Variants in PDZRN4 observed in about 807,000 individuals in gnomAD.
The protein encoded by PDZRN4 is PDZ domain-containing RING finger protein 4.
In PDZRN4, 70 loss-of-function variants were observed where a neutral mutation model predicts 99.0. That is an observed-to-expected ratio of 0.71 (90% CI 0.58 to 0.86). The LOEUF (loss-of-function observed/expected upper bound fraction) is 0.86, where lower values mean the gene tolerates loss of function less well. Ranked by LOEUF, PDZRN4 falls within the 40% of genes least tolerant of loss-of-function variation. The probability of loss-of-function intolerance (pLI) is 0.00; values close to 1 mark genes in which losing one functional copy is unlikely to be tolerated. For missense variants in PDZRN4, 1,474 were observed against 1,331.2 expected, an observed-to-expected ratio of 1.11 and a Z score of -1.67; for synonymous variants, 551 against 501.6, an observed-to-expected ratio of 1.10 and a Z score of -1.32.
At chr12:41,199,222 G>GT (rs2120658826) in intron 3 of PDZRN4, among the ~76,000 whole-genome samples, 1 of 152,258 alleles carries the variant, frequency 6.6e-6, no homozygotes, top group East Asian at 1.9e-4. Context: ...CTGCTGGGCA[G>GT]TTAGTTTTTT....
intron 5 of PDZRN4, among the ~76,000 whole-genome samples, chr12:41,519,483 C>T (rs1428848347): frequency 6.6e-6 from 1 of 152,054 alleles, no homozygotes; most frequent in East Asian, 1.9e-4. Context: ...CAGGCCCTAT[C>T]CCCAATTCCT....
At chr12:41,515,792 G>A (rs940331828) in intron 5 of PDZRN4, among the ~76,000 whole-genome samples, 1 of 151,918 alleles carries the variant, frequency 6.6e-6, no homozygotes, top group Non-Finnish European at 1.5e-5. Flanking sequence ...AGTCTTTGCA[G>A]GCTGTCCTAT....
At chr12:41,515,543 A>C (rs886105574) in intron 5 of PDZRN4, among the ~76,000 whole-genome samples, 32 of 152,044 alleles carry the variant, frequency 2.1e-4, no homozygotes, top group African/African-American at 7.0e-4. Context: ...TAAAGATAAG[A>C]TGGTATTCTG....
intron 3 of PDZRN4, among the ~76,000 whole-genome samples, chr12:41,228,801 T>C (rs368446124): frequency 6.6e-6 from 1 of 152,230 alleles, no homozygotes; most frequent in Middle Eastern, 3.4e-3. Context: ...TTCTATGAAA[T>C]TCAATAGTAT....
chr12:41,453,754 G>C (rs113051368), intron 3 of PDZRN4, among the ~76,000 whole-genome samples: 1,764 of 151,972 alleles, frequency 0.012, 29 homozygotes, highest in African/African-American at 0.041. Context: ...TGTGCCCTTC[G>C]ATTGATTATT....
chr12:41,496,355 G>A (rs1430085437), intron 3 of PDZRN4, among the ~76,000 whole-genome samples: 3 of 152,126 alleles, frequency 2.0e-5, no homozygotes, highest in Non-Finnish European at 4.4e-5. Context: ...ATAGCACTGT[G>A]CCGGCTCCCC....
chr12:41,492,927 T>C (rs1049278267), intron 3 of PDZRN4, among the ~76,000 whole-genome samples: 1 of 152,190 alleles, frequency 6.6e-6, no homozygotes, highest in Non-Finnish European at 1.5e-5. Context: ...TCTGTGCATA[T>C]GACATTCTGG....
At chr12:41,362,432 A>G (rs1406285007) in intron 3 of PDZRN4, among the ~76,000 whole-genome samples, 1 of 87,706 alleles carries the variant, frequency 1.1e-5, no homozygotes, top group Non-Finnish European at 2.7e-5. Flanking sequence ...ACCTTATATC[A>G]AATGGAATAA....
intron 3 of PDZRN4, among the ~76,000 whole-genome samples, chr12:41,342,654 G>A (rs563232160): frequency 1.3e-5 from 2 of 151,894 alleles, no homozygotes; most frequent in East Asian, 3.9e-4. Context: ...AAACCACAAT[G>A]AGATATCACC....
At chr12:41,231,156 A>AT (rs998123576) in intron 3 of PDZRN4, among the ~76,000 whole-genome samples, 2 of 152,108 alleles carry the variant, frequency 1.3e-5, no homozygotes, top group African/African-American at 4.8e-5. Context: ...AAAAACACTC[A>AT]TTAGGGCTAA....
chr12:41,276,728 T>C (rs896432183), intron 3 of PDZRN4, among the ~76,000 whole-genome samples: 1 of 152,170 alleles, frequency 6.6e-6, no homozygotes, highest in East Asian at 1.9e-4. Context: ...TAGAAGGTAG[T>C]CATACTATTC....
At chr12:41,514,849 T>G (rs932610842) in intron 5 of PDZRN4, among the ~76,000 whole-genome samples, 1 of 152,038 alleles carries the variant, frequency 6.6e-6, no homozygotes, top group Non-Finnish European at 1.5e-5. Context: ...CTCAAACACT[T>G]GTAAGGAAAG....
intron 3 of PDZRN4, among the ~76,000 whole-genome samples, chr12:41,310,325 C>A (rs1213403708): frequency 1.3e-5 from 2 of 151,888 alleles, no homozygotes; most frequent in African/African-American, 4.8e-5. Flanking sequence ...TTATCAATGT[C>A]CATTGGGGAT....
chr12:41,204,592 G>A (rs1235886073), intron 3 of PDZRN4, among the ~76,000 whole-genome samples: 2 of 151,952 alleles, frequency 1.3e-5, no homozygotes, highest in East Asian at 1.9e-4. Context: ...AAGGCAGCAG[G>A]AGGGAGAATA....
chr12:41,435,436 G>C (rs2733282), intron 3 of PDZRN4, among the ~76,000 whole-genome samples: 77,390 of 151,998 alleles, frequency 0.51, 20,185 homozygotes, highest in African/African-American at 0.64. Flanking sequence ...TTCATTGATA[G>C]AAGGGTGAGC....
intron 3 of PDZRN4, among the ~76,000 whole-genome samples, chr12:41,283,375 C>T (rs114345050): frequency 0.011 from 1,637 of 152,122 alleles, 31 homozygotes; most frequent in African/African-American, 0.037. Context: ...AATTAATACC[C>T]TACTAGCCAA....
chr12:41,440,266 C>T (rs74808220), intron 3 of PDZRN4, among the ~76,000 whole-genome samples: 5,163 of 152,004 alleles, frequency 0.034, 118 homozygotes, highest in African/African-American at 0.073. Flanking sequence ...TGTTACTATT[C>T]CTTATGAGCT....
intron 3 of PDZRN4, among the ~76,000 whole-genome samples, chr12:41,208,481 T>C (rs1215967978): frequency 6.6e-6 from 1 of 151,872 alleles, no homozygotes; most frequent in Non-Finnish European, 1.5e-5. Flanking sequence ...TTAATCTTTG[T>C]CAATTATTTT....
chr12:41,201,124 A>G (rs1215847768), intron 3 of PDZRN4, among the ~76,000 whole-genome samples: 1 of 150,946 alleles, frequency 6.6e-6, no homozygotes, highest in African/African-American at 2.4e-5. Flanking sequence ...TTTTTTCATG[A>G]AGCAAAAATA....
Sources: gnomAD v4.1 joint callset for allele counts (sites outside exome capture counted in the v4.1 genomes callset) on GRCh38, gnomAD v4.1.1 for gene constraint, MANE v1.5 for transcripts, NCBI Gene and HGNC (gene_info 2026-07-23, HGNC 2026-07-21) for gene names.